The following PDZRN4 variants were observed in gnomAD, a reference collection of about 807,000 sequenced individuals.
PDZRN4 encodes the protein PDZ domain-containing RING finger protein 4.
A neutral mutation model predicts 99.0 loss-of-function variants in PDZRN4; 70 were observed. The ratio of observed to expected loss-of-function variants is 0.71; its 90% CI spans 0.58 to 0.86. The LOEUF is 0.86. Ranked by LOEUF, PDZRN4 falls within the 40% of genes least tolerant of loss-of-function variation. PDZRN4 has a pLI of 0.00. For synonymous variants in PDZRN4, 551 were observed against 501.6 expected, an observed-to-expected ratio of 1.10 and a Z score of -1.32; for missense variants, 1,474 against 1,331.2, an observed-to-expected ratio of 1.11 and a Z score of -1.67.
chr12:41,541,695 C>G (rs1179297325), intron 5 of PDZRN4, among the ~76,000 whole-genome samples: 1 of 152,088 alleles, frequency 6.6e-6, no homozygotes, highest in Admixed American at 6.6e-5. Flanking sequence ...CCTCATGATC[C>G]GCCTGCCTCG....
At chr12:41,378,956 T>G (rs1340954356) in intron 3 of PDZRN4, among the ~76,000 whole-genome samples, 3 of 152,198 alleles carry the variant, frequency 2.0e-5, no homozygotes, top group African/African-American at 7.2e-5. Context: ...AAAGTTCACA[T>G]GTGTAGTAAT....
intron 3 of PDZRN4, among the ~76,000 whole-genome samples, chr12:41,285,121 A>G (rs1951414147): frequency 3.3e-5 from 5 of 152,186 alleles, no homozygotes; most frequent in Admixed American, 2.6e-4. Flanking sequence ...ACAAAGGGCT[A>G]ATATCCAGAA....
At chr12:41,282,631 T>C (rs1401783393) in intron 3 of PDZRN4, among the ~76,000 whole-genome samples, 1 of 152,044 alleles carries the variant, frequency 6.6e-6, no homozygotes, top group Non-Finnish European at 1.5e-5. Flanking sequence ...AATAAAACAA[T>C]CCTCAGCAAA....
chr12:41,512,554 G>T (rs894965529), intron 5 of PDZRN4, among the ~76,000 whole-genome samples: 1 of 152,012 alleles, frequency 6.6e-6, no homozygotes, highest in African/African-American at 2.4e-5. Context: ...AGAGTGGAAG[G>T]GGTGAATTCA....
At chr12:41,400,284 A>C (rs2121138755) in intron 3 of PDZRN4, among the ~76,000 whole-genome samples, 1 of 152,272 alleles carries the variant, frequency 6.6e-6, no homozygotes, top group East Asian at 1.9e-4. Flanking sequence ...CTGGAAAGGC[A>C]TTTTGGATAG....
Position 41,552,608 on chromosome 12 carries a change from A to AGAT in PDZRN4, c.1204-47_1204-45dup, listed in dbSNP as rs1245446774. Reference sequence around the variant, plus strand: ...ATCAGTGAGTTCTCCATTCTGTTGCAGATTTTCTCTCTGACATAAATGTCA... The same window carrying AGAT: ...ATCAGTGAGTTCTCCATTCTGTTGCAGATGATTTTCTCTCTGACATAAATGTCA... On this transcript the variant is annotated intron_variant, in intron 5 of 9. Coordinates refer to ENST00000402685, the MANE Select transcript of PDZRN4 (RefSeq NM_001164595.2). 3 of 1,414,160 alleles carry AGAT rather than the reference A, an allele frequency of 2.1e-6. No homozygotes were observed. The African/African-American group carries it at 4.2e-5, about 20-fold the overall frequency. 87.6% of individuals were successfully genotyped at this position (1,414,160 alleles called of 1,614,324 possible).
At position 41,189,100 on chromosome 12, in the gene PDZRN4, C is replaced by A; in HGVS notation, c.645C>A (p.Arg215=). 6.3e-7 allele frequency: 1 copy of A among 1,579,624 alleles called. No homozygotes were observed. Residue 215 remains arginine (R), a synonymous_variant, in exon 1 of 10, where the codon CGC becomes CGA. Transcript: ENST00000402685. ...TCGGCGACCTCGGTGGCGGCCACCG[C>A]AGGGTAAGCAAAGGGGGGTGGGCAC... ...NFVGDLGGGH[R]RDGEHKPFTI...
chr12:41,427,494 A>G (rs1170856088), intron 3 of PDZRN4, among the ~76,000 whole-genome samples: 1 of 152,140 alleles, frequency 6.6e-6, no homozygotes, highest in Non-Finnish European at 1.5e-5. Flanking sequence ...ACTTCATACA[A>G]GTTTTTTAGA....
intron 7 of PDZRN4, among the ~76,000 whole-genome samples, chr12:41,559,186 C>CACACACACACACACATACAT (rs2120822017): frequency 1.1e-4 from 2 of 17,894 alleles, no homozygotes; most frequent in South Asian, 4.4e-3. Context: ...CACATACATA[C>CACACACACACACACATACAT]ACACACACAC....
At chr12:41,403,867 T>C (rs1242949408) in intron 3 of PDZRN4, among the ~76,000 whole-genome samples, 1 of 152,130 alleles carries the variant, frequency 6.6e-6, no homozygotes, top group South Asian at 2.1e-4. Flanking sequence ...AAACAAAATA[T>C]AAACCCAATA....
At chr12:41,521,978 T>C (rs890200222) in intron 5 of PDZRN4, among the ~76,000 whole-genome samples, 2 of 152,128 alleles carry the variant, frequency 1.3e-5, no homozygotes, top group Non-Finnish European at 2.9e-5. Flanking sequence ...AAGGGAATGT[T>C]TATGAGTAAC....
At chr12:41,206,753 A>T (rs1404907400) in intron 3 of PDZRN4, among the ~76,000 whole-genome samples, 1 of 151,836 alleles carries the variant, frequency 6.6e-6, no homozygotes, top group Non-Finnish European at 1.5e-5. Flanking sequence ...GCATAAATAA[A>T]AGTTTCCTAA....
At chr12:41,552,562 T>C (rs1053867971) in intron 5 of PDZRN4, 94 bp from the exon 6 acceptor site, 8 of 908,112 alleles carry the variant, frequency 8.8e-6, no homozygotes, top group African/African-American at 3.3e-5. Context: ...TATTAATACT[T>C]GCCAGAGTAA....
intron 3 of PDZRN4, among the ~76,000 whole-genome samples, chr12:41,473,825 G>C (rs1953016358): frequency 2.0e-5 from 3 of 152,134 alleles, no homozygotes. Flanking sequence ...AAGTGACCAA[G>C]TTATAAATAT....
intron 3 of PDZRN4, among the ~76,000 whole-genome samples, chr12:41,271,545 A>G (rs1029289409): frequency 6.6e-6 from 1 of 152,160 alleles, no homozygotes; most frequent in African/African-American, 2.4e-5. Flanking sequence ...TTAAAATGCT[A>G]GCCTCCTGGC....
intron 5 of PDZRN4, among the ~76,000 whole-genome samples, chr12:41,536,557 C>A (rs1011573523): frequency 1.3e-5 from 2 of 152,000 alleles, no homozygotes; most frequent in African/African-American, 4.8e-5. Context: ...CAAGAGTGAA[C>A]CCTAATATCA....
intron 5 of PDZRN4, among the ~76,000 whole-genome samples, chr12:41,545,758 G>T (rs1265224731): frequency 6.6e-6 from 1 of 152,000 alleles, no homozygotes; most frequent in Non-Finnish European, 1.5e-5. Context: ...AATGCATGTG[G>T]ATTGACAAGT....
At chr12:41,511,539 T>C (rs1320313459) in intron 5 of PDZRN4, among the ~76,000 whole-genome samples, 4 of 152,106 alleles carry the variant, frequency 2.6e-5, no homozygotes, top group Admixed American at 2.6e-4. Flanking sequence ...ATAAAGAATG[T>C]TCCTGTGAAA....
intron 3 of PDZRN4, among the ~76,000 whole-genome samples, chr12:41,362,268 T>C (rs1016050254): frequency 6.6e-6 from 1 of 152,038 alleles, no homozygotes; most frequent in Non-Finnish European, 1.5e-5. Flanking sequence ...AAAATAAACT[T>C]ATAATTACTT....
Sources: allele counts gnomAD v4.1 joint callset (sites outside exome capture counted in the v4.1 genomes callset), GRCh38; gene constraint gnomAD v4.1.1; transcripts MANE v1.5; gene names NCBI Gene and HGNC (gene_info 2026-07-23, HGNC 2026-07-21).